Variants in CCNYL1 observed in about 807,000 individuals in gnomAD.
CCNYL1 encodes the protein cyclin-Y-like protein 1.
In CCNYL1, 16 loss-of-function variants were observed where a neutral mutation model predicts 44.2. The ratio of observed to expected loss-of-function variants is 0.36; its 90% CI spans 0.25 to 0.55. CCNYL1 has a LOEUF of 0.55. Ranked by LOEUF, CCNYL1 falls within the 20% of genes least tolerant of loss-of-function variation. The probability of loss-of-function intolerance (pLI) is 0.85; values close to 1 mark genes in which losing one functional copy is unlikely to be tolerated. For missense variants in CCNYL1, 348 were observed against 451.8 expected (o/e 0.77, Z 2.08); for synonymous variants, 159 against 163.2 (o/e 0.97, Z 0.20).
At chr2:207,743,961 G>C (rs2091833018) in intron 7 of CCNYL1, among the ~76,000 whole-genome samples, 1 of 152,162 alleles carries the variant, frequency 6.6e-6, no homozygotes, top group Non-Finnish European at 1.5e-5. Flanking sequence ...TGCTAGAGTA[G>C]AGGAGAGGCA....
chr2:207,715,980 C>G (rs1408937040), intron 1 of CCNYL1, among the ~76,000 whole-genome samples: 1 of 152,104 alleles, frequency 6.6e-6, no homozygotes, highest in Non-Finnish European at 1.5e-5. Flanking sequence ...CTGGTCTCGT[C>G]AAGCTAAGAG....
chr2:207,730,700 G>A (rs1206913537), intron 3 of CCNYL1, among the ~76,000 whole-genome samples: 1 of 152,162 alleles, frequency 6.6e-6, no homozygotes, highest in Non-Finnish European at 1.5e-5. Flanking sequence ...GGAAGCTGCA[G>A]TGAGCCAAGA....
intron 4 of CCNYL1, among the ~76,000 whole-genome samples, chr2:207,734,362 G>A (rs748521602): frequency 1.9e-4 from 29 of 152,226 alleles, no homozygotes; most frequent in Non-Finnish European, 4.0e-4. Context: ...TTTATTGGAT[G>A]TTTCTGGAAA....
rs147183127 is a variant in CCNYL1 at position 207,751,854 on chromosome 2, C to CA, written c.969+752dup. 6.1e-3 allele frequency among the ~76,000 whole-genome samples: 580 copies of CA among 94,498 alleles called. 2 individuals carry two copies. The highest frequency in any genetic ancestry group is 9.3e-3 in the Non-Finnish European group (416 of 44,706). 62.0% of individuals were successfully genotyped at this position (94,498 alleles called of 152,430 possible). A position where few individuals can be genotyped will look rare whatever the true frequency, so the allele number is the denominator to read the frequency against. ...GGGCAACAAGAGCGAAACTCCATCT[C>CA]AAAAAAAAAAAAAAAAAGTACACAC... On this transcript the variant is annotated intron_variant, in intron 9 of 9. Coordinates refer to ENST00000295414, the MANE Select transcript of CCNYL1 (RefSeq NM_001330218.2).
intron 1 of CCNYL1, 136 bp downstream of exon 1, chr2:207,712,252 C>T (rs2091554985): frequency 4.6e-6 from 3 of 646,140 alleles, no homozygotes; most frequent in Non-Finnish European, 7.7e-6. Context: ...CTGGTTCTGC[C>T]TCGCGTCCCC....
chr2:207,731,706 T>C lies in CCNYL1; in HGVS notation c.331-2241T>C, dbSNP rs556379553. The stretch of plus-strand genomic sequence containing the variant: ...GAAGCTTAATTCTGCCACCCCCTAG[T>C]CTCAAGAGATATAGTGATACTCTTG... On this transcript the variant is annotated intron_variant, in intron 3 of 9. Coordinates refer to ENST00000295414, the MANE Select transcript of CCNYL1 (RefSeq NM_001330218.2). 3.9e-5 allele frequency among the ~76,000 whole-genome samples: 6 copies of C among 152,170 alleles called. No individual in the cohort carries two copies. The South Asian group carries it at 1.2e-3, about 32-fold the overall frequency.
rs1296243134 is a variant in CCNYL1, at chr2:207,714,307, C to T, written c.220+2191C>T. ...TTACACGATTCAGAGGCAACACTTA[C>T]ATCTCTTTTTTTTTTTTTTTTTTTT... On this transcript the variant is annotated intron_variant, in intron 1 of 9. Coordinates refer to ENST00000295414, the MANE Select transcript of CCNYL1 (RefSeq NM_001330218.2). 1.2e-5 allele frequency: 5 copies of T among 400,864 alleles called. No homozygotes were observed. In the East Asian group the frequency reaches 2.4e-4, roughly 19 times the overall value. The allele number at this position is 400,864 out of a possible 1,614,324, so 24.8% of individuals were successfully genotyped here. A position where few individuals can be genotyped will look rare whatever the true frequency, so the allele number is the denominator to read the frequency against.
intron 1 of CCNYL1, among the ~76,000 whole-genome samples, chr2:207,721,814 A>G (rs1217854468): frequency 6.7e-6 from 1 of 150,106 alleles, no homozygotes; most frequent in Non-Finnish European, 1.5e-5. Context: ...GGCTCACTGC[A>G]ACCTCTGCCT....
chr2:207,720,894 G>A (rs1332780467), intron 1 of CCNYL1, among the ~76,000 whole-genome samples: 13 of 152,180 alleles, frequency 8.5e-5, no homozygotes. Context: ...AGGTAGAGCA[G>A]TGTTTCGGAA....
chr2:207,712,163 G>T (rs766538547), intron 1 of CCNYL1, 47 bp downstream of exon 1: 16 of 1,519,646 alleles, frequency 1.1e-5, no homozygotes, highest in South Asian at 7.0e-5. Flanking sequence ...ACCTCTGCCC[G>T]CCTCCTCCCC....
At chr2:207,724,020 TA>T (rs1163027413) in intron 1 of CCNYL1, among the ~76,000 whole-genome samples, 1 of 152,150 alleles carries the variant, frequency 6.6e-6, no homozygotes, top group Non-Finnish European at 1.5e-5. Context: ...TGCCTAAATA[TA>T]TTATCCAACT....
rs1038853421 is a variant in CCNYL1, at chr2:207,730,009, T to C, written c.330+3133T>C. Among the ~76,000 whole-genome samples the C allele has an allele frequency of 2.6e-5, 4 of 152,180 alleles. No homozygotes were observed. In the East Asian group the frequency reaches 7.7e-4, roughly 29 times the overall value. Reference sequence around the variant, plus strand: ...ATTACAGGTGTGAGTCACTGTGCCCTGCTGGATGCGTCTTTTCTGAGACTG... The same window carrying C: ...ATTACAGGTGTGAGTCACTGTGCCCCGCTGGATGCGTCTTTTCTGAGACTG... On this transcript the variant is annotated intron_variant, in intron 3 of 9. Transcript: ENST00000295414.
Position 207,715,252 on chromosome 2 carries a change from A to G in CCNYL1, c.220+3136A>G, listed in dbSNP as rs951822907. Among the ~76,000 whole-genome samples, 4 of 144,716 alleles carry G rather than the reference A, an allele frequency of 2.8e-5. No homozygotes were observed. In the South Asian group the frequency reaches 9.1e-4, roughly 33 times the overall value. The allele number at this position is 144,716 out of a possible 152,430, so 94.9% of individuals were successfully genotyped here. On this transcript the variant is annotated intron_variant, in intron 1 of 9. Transcript: ENST00000295414. Reference sequence around the variant, plus strand: ...CACTGCACTCTAGCCTGGACAGTGGAGCAAGACTCTGTCTCAAAACAAACA... The same window carrying G: ...CACTGCACTCTAGCCTGGACAGTGGGGCAAGACTCTGTCTCAAAACAAACA...
intron 1 of CCNYL1, among the ~76,000 whole-genome samples, chr2:207,720,350 C>T (rs2091631307): frequency 6.6e-6 from 1 of 150,958 alleles, no homozygotes; most frequent in African/African-American, 2.4e-5. Context: ...AAAATAATAA[C>T]ATTGGATAAT....
At chr2:207,715,880 T>G (rs2091590517) in intron 1 of CCNYL1, among the ~76,000 whole-genome samples, 1 of 151,644 alleles carries the variant, frequency 6.6e-6, no homozygotes, top group African/African-American at 2.4e-5. Flanking sequence ...TTCACCATGT[T>G]GGCCAGGCTG....
rs1269803825 is a variant in CCNYL1 at position 207,754,185 on chromosome 2, G to A, written c.*487G>A. ...AAGCCACTTAGGAGCAGACAGCAGC[G>A]TTGTTAGGTACTGAAGGGTTCTTCC... On this transcript the variant is annotated 3_prime_UTR_variant, in exon 10 of 10. Transcript: ENST00000295414. The A allele has an allele frequency of 6.6e-6, 1 of 151,208 alleles. No homozygotes were observed. Among genetic ancestry groups the A allele is most frequent in the Non-Finnish European group, 1.5e-5 (1 of 68,074 alleles). The allele number at this position is 151,208 out of a possible 1,614,324, so 9.4% of individuals were successfully genotyped here.
chr2:207,741,876 C>T (rs932564593), intron 6 of CCNYL1, among the ~76,000 whole-genome samples: 5 of 147,698 alleles, frequency 3.4e-5, no homozygotes, highest in African/African-American at 7.5e-5. Flanking sequence ...TTAGGCCGGG[C>T]GTGGTGTCTC....
intron 7 of CCNYL1, among the ~76,000 whole-genome samples, chr2:207,744,058 G>A (rs2091833877): frequency 6.6e-6 from 1 of 152,120 alleles, no homozygotes; most frequent in African/African-American, 2.4e-5. Context: ...AGAAGATGAA[G>A]CAGCATAAAG....
chr2:207,717,133 T>TA (rs2091603395), intron 1 of CCNYL1, among the ~76,000 whole-genome samples: 1 of 151,750 alleles, frequency 6.6e-6, no homozygotes, highest in Admixed American at 6.6e-5. Context: ...AAAAAGTTCT[T>TA]ATGTCAAATT....
Sources: gnomAD v4.1 joint callset for allele counts (sites outside exome capture counted in the v4.1 genomes callset) on GRCh38, gnomAD v4.1.1 for gene constraint, MANE v1.5 for transcripts, NCBI Gene and HGNC (gene_info 2026-07-23, HGNC 2026-07-21) for gene names.